The following CDYL variants were observed in gnomAD, a reference collection of about 807,000 sequenced individuals.
CDYL encodes the protein chromodomain Y-like protein.
In CDYL, 8 loss-of-function variants were observed where a neutral mutation model predicts 47.3. The observed-to-expected ratio is 0.17, with a 90% confidence interval of 0.10 to 0.31. The LOEUF is 0.31. CDYL is among the 10% of genes least tolerant of loss of function. CDYL has a pLI of 1.00. For synonymous variants in CDYL, 266 were observed against 265.0 expected, an observed-to-expected ratio of 1.00 and a Z score of -0.04; for missense variants, 471 against 701.4, an observed-to-expected ratio of 0.67 and a Z score of 3.71.
intron 1 of CDYL, among the ~76,000 whole-genome samples, chr6:4,879,344 T>C (rs573520265): frequency 3.9e-4 from 60 of 152,340 alleles, no homozygotes; most frequent in Middle Eastern, 3.4e-3. Flanking sequence ...ATTTTGAAGC[T>C]GTTGTATTAA....
chr6:4,875,299 C>T (rs1761589604), intron 1 of CDYL, among the ~76,000 whole-genome samples: 2 of 152,102 alleles, frequency 1.3e-5, no homozygotes, highest in African/African-American at 2.4e-5. Flanking sequence ...TCTATTTATA[C>T]ATTTGCTGTA....
At chr6:4,949,093 C>T (rs982921075) in intron 5 of CDYL, among the ~76,000 whole-genome samples, 2 of 152,254 alleles carry the variant, frequency 1.3e-5, no homozygotes, top group East Asian at 1.9e-4. Flanking sequence ...TCCTTTCTTA[C>T]AGCAGGCCCT....
intron 2 of CDYL, among the ~76,000 whole-genome samples, chr6:4,921,822 A>G (rs1388085715): frequency 6.6e-6 from 1 of 152,148 alleles, no homozygotes; most frequent in African/African-American, 2.4e-5. Flanking sequence ...ATTACATTCA[A>G]AAAATACTTA....
At chr6:4,713,714 A>G (rs1487339983) in intron 1 of CDYL, among the ~76,000 whole-genome samples, 1 of 151,880 alleles carries the variant, frequency 6.6e-6, no homozygotes, top group Non-Finnish European at 1.5e-5. Context: ...CAGCCCCCCA[A>G]GTAGCTGGGA....
intron 1 of CDYL, among the ~76,000 whole-genome samples, chr6:4,777,531 C>A (rs1758503093): frequency 6.6e-6 from 1 of 152,186 alleles, no homozygotes; most frequent in African/African-American, 2.4e-5. Context: ...CATGTAACTT[C>A]TTTTGACGTA....
At chr6:4,713,557 T>C (rs1415470649) in intron 1 of CDYL, among the ~76,000 whole-genome samples, 2 of 150,866 alleles carry the variant, frequency 1.3e-5, no homozygotes, top group African/African-American at 4.9e-5. Flanking sequence ...AAAAACTGAA[T>C]ACAGAGTCTT....
intron 2 of CDYL, among the ~76,000 whole-genome samples, chr6:4,725,562 G>A (rs1687007970): frequency 6.6e-6 from 1 of 152,230 alleles, no homozygotes; most frequent in Non-Finnish European, 1.5e-5. Flanking sequence ...TCACTGCCCG[G>A]GGCTTGCTGG....
At chr6:4,860,638 T>C (rs1269869097) in intron 1 of CDYL, among the ~76,000 whole-genome samples, 1 of 147,672 alleles carries the variant, frequency 6.8e-6, no homozygotes, top group African/African-American at 2.5e-5. Context: ...ATGTATATTA[T>C]ATAATATATA....
rs193258573 is a variant in CDYL, at chr6:4,717,630, A to C, written c.103+1749A>C. ...GGAGGCAGAAGCATCACTTGAGCCC[A>C]GGAGTTTGCGGCTACAGTGAGCTAT... On this transcript the variant is annotated intron_variant, in intron 2 of 8. Transcript: ENST00000328908. Among the ~76,000 whole-genome samples, 59 of 137,492 alleles carry C rather than the reference A, an allele frequency of 4.3e-4. 1 individual carries two copies. The highest frequency in any genetic ancestry group is 9.3e-5 in the Non-Finnish European group (6 of 64,608). 90.2% of individuals were successfully genotyped at this position (137,492 alleles called of 152,430 possible).
intron 3 of CDYL, among the ~76,000 whole-genome samples, chr6:4,748,656 G>GACACACACACACACACAC (rs111349102): frequency 6.8e-6 from 1 of 146,048 alleles, no homozygotes; most frequent in African/African-American, 2.5e-5. Context: ...TGATGGCAAA[G>GACACACACACACACACAC]ACACACACAC....
intron 2 of CDYL, among the ~76,000 whole-genome samples, chr6:4,916,446 C>T (rs531058222): frequency 2.0e-5 from 3 of 152,278 alleles, no homozygotes; most frequent in Non-Finnish European, 2.9e-5. Context: ...GAGAAACTCT[C>T]GACTGAAGAG....
At chr6:4,708,972 A>C (rs1757096986) in intron 1 of CDYL, among the ~76,000 whole-genome samples, 1 of 152,066 alleles carries the variant, frequency 6.6e-6, no homozygotes. Context: ...ATGTCACTGC[A>C]CTCCAGCCTG....
chr6:4,917,126 T>G (rs1289766334), intron 2 of CDYL, among the ~76,000 whole-genome samples: 1 of 152,250 alleles, frequency 6.6e-6, no homozygotes, highest in Non-Finnish European at 1.5e-5. Context: ...ATCGTTTGCT[T>G]TCATGGTTAT....
At chr6:4,927,386 T>C (rs116727946) in intron 2 of CDYL, among the ~76,000 whole-genome samples, 1 of 151,700 alleles carries the variant, frequency 6.6e-6, no homozygotes, top group Non-Finnish European at 1.5e-5. Flanking sequence ...GATCAATTTT[T>C]TATGTTTTAG....
At chr6:4,728,750 T>A (rs1757556047) in intron 2 of CDYL, among the ~76,000 whole-genome samples, 1 of 152,188 alleles carries the variant, frequency 6.6e-6, no homozygotes, top group Non-Finnish European at 1.5e-5. Context: ...GATCAGAAAG[T>A]GTCATCCTTC....
In CDYL at chr6:4,954,057, G is replaced by C. The variant is rs762991905; in HGVS notation, c.*1G>C. 49 of 1,612,900 alleles carry C rather than the reference G, an allele frequency of 3.0e-5. 1 individual carries two copies. In the South Asian group the frequency reaches 5.2e-4, roughly 17 times the overall value. On this transcript the variant is annotated 3_prime_UTR_variant, in exon 7 of 7. Transcript: ENST00000397588. Reference sequence around the variant, plus strand: ...GCAGAGGAAGATCGATGAGTTCTGAGTGTCGGGCTGCCCACTGGTGACACC... The same window carrying C: ...GCAGAGGAAGATCGATGAGTTCTGACTGTCGGGCTGCCCACTGGTGACACC...
At chr6:4,870,048 T>C (rs1175136482) in intron 1 of CDYL, among the ~76,000 whole-genome samples, 1 of 152,218 alleles carries the variant, frequency 6.6e-6, no homozygotes, top group Non-Finnish European at 1.5e-5. Context: ...TTTTTTCTTT[T>C]TTCTTTTAAA....
chr6:4,874,904 A>G (rs1315632766), intron 1 of CDYL, among the ~76,000 whole-genome samples: 1 of 152,022 alleles, frequency 6.6e-6, no homozygotes, highest in African/African-American at 2.4e-5. Flanking sequence ...GCAGTGTTCC[A>G]TTGTGTGAAC....
chr6:4,823,635 C>T (rs1759900404), intron 1 of CDYL, among the ~76,000 whole-genome samples: 1 of 151,832 alleles, frequency 6.6e-6, no homozygotes, highest in Non-Finnish European at 1.5e-5. Context: ...CCATTATAAC[C>T]ATTTTAAGTA....
Sources: allele counts gnomAD v4.1 joint callset (sites outside exome capture counted in the v4.1 genomes callset), GRCh38; gene constraint gnomAD v4.1.1; transcripts MANE v1.5; gene names NCBI Gene and HGNC (gene_info 2026-07-23, HGNC 2026-07-21).